Variants in CACNB2 observed in about 807,000 individuals in gnomAD.
CACNB2 encodes voltage-dependent L-type calcium channel subunit beta-2.
Under a neutral mutation model 73.3 loss-of-function variants are expected in CACNB2, and 42 were observed. That is an observed-to-expected ratio of 0.57 (90% confidence interval 0.45 to 0.74). CACNB2 has a LOEUF of 0.74. Among genes scored for constraint, CACNB2 ranks in the 30% least tolerant of loss-of-function variants. The pLI is 0.00. For missense variants in CACNB2, 940 were observed against 853.0 expected (o/e 1.10, Z -1.27); for synonymous variants, 348 against 310.3 (o/e 1.12, Z -1.28).
intron 2 of CACNB2, among the ~76,000 whole-genome samples, chr10:18,183,885 CCTCTGTTATTCACTAG>C (rs1327857739): frequency 1.3e-5 from 2 of 152,160 alleles, no homozygotes; most frequent in Non-Finnish European, 2.9e-5. Context: ...CCACATGCCA[CCTCTGTTATTCACTAG>C]CTCTGCAAGC....
At chr10:18,189,069 C>T (rs892241046) in intron 2 of CACNB2, among the ~76,000 whole-genome samples, 5 of 152,160 alleles carry the variant, frequency 3.3e-5, no homozygotes, top group African/African-American at 9.7e-5. Flanking sequence ...TCAAGCCATC[C>T]TCTTGCCTCC....
intron 2 of CACNB2, among the ~76,000 whole-genome samples, chr10:18,280,027 C>A (rs1367301566): frequency 6.6e-6 from 1 of 152,120 alleles, no homozygotes; most frequent in East Asian, 1.9e-4. Context: ...TGCTGTGAGC[C>A]GAGATCGCAC....
chr10:18,157,501 T>C (rs1168702768), intron 2 of CACNB2, among the ~76,000 whole-genome samples: 2 of 152,240 alleles, frequency 1.3e-5, no homozygotes, highest in East Asian at 3.9e-4. Context: ...TAAATATTAC[T>C]GCCTATTTGT....
In CACNB2 at chr10:18,498,465, G is replaced by T; in HGVS notation, c.444G>T (p.Leu148=). The T allele has an allele frequency of 1.2e-6, 2 of 1,614,042 alleles. No individual in the cohort carries two copies. Among genetic ancestry groups the T allele is most frequent in the Non-Finnish European group, 1.7e-6 (2 of 1,179,920 alleles). The change falls in exon 4 of 14, where the codon CTG becomes CTT. Residue 148 remains leucine, a synonymous_variant. Coordinates refer to ENST00000324631, the MANE Select transcript of CACNB2 (RefSeq NM_201596.3). ...TCTCATTCGAAGCAAAAGATTTTCT[G>T]CATGTTAAGGAAGTAAGGAGAATAA... ...MAISFEAKDF[L]HVKEKFNNDW...
At chr10:18,496,831 A>G (rs1313285582) in intron 3 of CACNB2, among the ~76,000 whole-genome samples, 3 of 147,326 alleles carry the variant, frequency 2.0e-5, no homozygotes, top group African/African-American at 7.9e-5. Context: ...AAAAAAAAAA[A>G]AAAGGAAAAA....
chr10:18,351,313 A>G (rs1438524585), intron 2 of CACNB2, among the ~76,000 whole-genome samples: 1 of 152,204 alleles, frequency 6.6e-6, no homozygotes, highest in Non-Finnish European at 1.5e-5. Flanking sequence ...AAGACAATTA[A>G]TTCTGTGATA....
intron 8 of CACNB2, among the ~76,000 whole-genome samples, chr10:18,518,629 A>T (rs1395033908): frequency 6.6e-6 from 1 of 152,184 alleles, no homozygotes; most frequent in Non-Finnish European, 1.5e-5. Context: ...TGCTTTGAAG[A>T]TTTCTGCTAG....
chr10:18,150,855 C>CTTTTTTTTTTTTTTTTTTTG, intron 1 of CACNB2, 28 bp from the exon 2 acceptor site: 1 of 483,392 alleles, frequency 2.1e-6, no homozygotes, highest in Non-Finnish European at 3.1e-6. Context: ...TCTTATTTGT[C>CTTTTTTTTTTTTTTTTTTTG]TTTTTTTTTT....
intron 2 of CACNB2, among the ~76,000 whole-genome samples, chr10:18,276,099 T>A (rs2038275835): frequency 6.6e-6 from 1 of 152,184 alleles, no homozygotes; most frequent in South Asian, 2.1e-4. Flanking sequence ...ATACAGAACA[T>A]CTCTGTACCA....
chr10:18,409,880 T>C (rs186026763), intron 3 of CACNB2, among the ~76,000 whole-genome samples: 2 of 152,306 alleles, frequency 1.3e-5, no homozygotes, highest in African/African-American at 4.8e-5. Flanking sequence ...AATTATTTAA[T>C]CCTCCTATGT....
At chr10:18,337,359 C>A (rs1419563111) in intron 2 of CACNB2, among the ~76,000 whole-genome samples, 1 of 152,294 alleles carries the variant, frequency 6.6e-6, no homozygotes, top group Non-Finnish European at 1.5e-5. Context: ...ATCTCAGCCT[C>A]CCAAAGTGCT....
intron 3 of CACNB2, among the ~76,000 whole-genome samples, chr10:18,443,372 A>G (rs538905139): frequency 3.6e-4 from 55 of 151,974 alleles, no homozygotes; most frequent in African/African-American, 1.3e-3. Flanking sequence ...CTAGGGAACC[A>G]ATGAGGCTTC....
intron 2 of CACNB2, among the ~76,000 whole-genome samples, chr10:18,220,112 TA>T (rs776578287): frequency 0.4 from 14,610 of 36,202 alleles, 3,445 homozygotes; most frequent in African/African-American, 0.65. Flanking sequence ...TATTTTTTAA[TA>T]TATATATATA....
intron 2 of CACNB2, among the ~76,000 whole-genome samples, chr10:18,322,260 G>A (rs1240111710): frequency 2.6e-5 from 4 of 152,098 alleles, no homozygotes; most frequent in African/African-American, 7.2e-5. Context: ...TTGGAAATCA[G>A]AGAATACAGC....
chr10:18,518,436 A>G lies in CACNB2; in HGVS notation c.885+20A>G. On this transcript the variant is annotated intron_variant, in intron 8 of 13. Coordinates refer to ENST00000324631, the MANE Select transcript of CACNB2 (RefSeq NM_201596.3). Reference sequence around the variant, plus strand: ...TACGAGGTGGGTAGCAGCCTTCCACAGGAAGCTTAACTTGCATGCTGAACT... The same window carrying G: ...TACGAGGTGGGTAGCAGCCTTCCACGGGAAGCTTAACTTGCATGCTGAACT... The G allele has an allele frequency of 6.6e-7, 1 of 1,524,756 alleles. No individual in the cohort carries two copies. Among genetic ancestry groups the G allele is most frequent in the Non-Finnish European group, 9.1e-7 (1 of 1,099,036 alleles). 94.5% of individuals were successfully genotyped at this position (1,524,756 alleles called of 1,614,324 possible).
chr10:18,172,720 T>C (rs1223405598), intron 2 of CACNB2, among the ~76,000 whole-genome samples: 1 of 152,094 alleles, frequency 6.6e-6, no homozygotes, highest in Non-Finnish European at 1.5e-5. Context: ...TTTCAGTGGA[T>C]GGTGTAGCTA....
chr10:18,393,236 G>C (rs1412023976), intron 2 of CACNB2, among the ~76,000 whole-genome samples: 3 of 151,042 alleles, frequency 2.0e-5, no homozygotes, highest in Non-Finnish European at 4.4e-5. Flanking sequence ...ATCATCAGTA[G>C]ATATATATTA....
Position 18,172,291 on chromosome 10 carries a change from G to C in CACNB2, c.213+21316G>C, listed in dbSNP as rs182077850. Among the ~76,000 whole-genome samples the C allele has an allele frequency of 8.5e-5, 13 of 152,336 alleles. No homozygotes were observed. The East Asian group carries it at 9.7e-4, about 11-fold the overall frequency. ...AGGTGGGAGGATCACTTGGACTGGG[G>C]AAGTGGAGGTTGCAGTGAGCCAAGA... On this transcript the variant is annotated intron_variant, in intron 2 of 13. Transcript: ENST00000324631.
intron 2 of CACNB2, among the ~76,000 whole-genome samples, chr10:18,349,307 C>T (rs955626769): frequency 1.3e-5 from 2 of 152,134 alleles, no homozygotes; most frequent in African/African-American, 4.8e-5. Context: ...TGTTGAAAGT[C>T]GTTTGTTTAA....
Sources: allele counts gnomAD v4.1 joint callset (sites outside exome capture counted in the v4.1 genomes callset), GRCh38; gene constraint gnomAD v4.1.1; transcripts MANE v1.5; gene names NCBI Gene and HGNC (gene_info 2026-07-23, HGNC 2026-07-21).